ATP2C1: variants seen among roughly 807,000 people sequenced by gnomAD.
ATP2C1 encodes calcium-transporting ATPase type 2C member 1.
ATP2C1 carries 31 observed loss-of-function variants against 120.5 expected under a neutral mutation model. The ratio of observed to expected loss-of-function variants is 0.26; its 90% CI spans 0.19 to 0.35. The LOEUF (loss-of-function observed/expected upper bound fraction) is 0.35. Among genes scored for constraint, ATP2C1 ranks in the 10% least tolerant of loss-of-function variants. The probability of loss-of-function intolerance (pLI) is 1.00; values close to 1 mark genes in which losing one functional copy is unlikely to be tolerated. For synonymous variants in ATP2C1, 351 were observed against 358.7 expected (o/e 0.98, Z 0.24); for missense variants, 731 against 1,107.5 (o/e 0.66, Z 4.83).
chr3:130,955,929 G>C (rs2060562045), intron 10 of ATP2C1, 175 bp from the exon 11 acceptor site: 1 of 576,204 alleles, frequency 1.7e-6, no homozygotes, highest in Admixed American at 2.7e-5. Flanking sequence ...GTGACCTTGG[G>C]CATTGTGTAA....
rs115321836 is a variant in ATP2C1 at position 130,989,793 on chromosome 3, C to T, written c.1840-3158C>T. ...ACCTTTCATTCGCTAACTTATTTTGCAGCTTTTGCCAAACACTTGTTATAT... is the reference window on the plus strand; with the variant it reads ...ACCTTTCATTCGCTAACTTATTTTGTAGCTTTTGCCAAACACTTGTTATAT... On this transcript the variant is annotated intron_variant, in intron 20 of 27. Coordinates refer to ENST00000510168, the MANE Select transcript of ATP2C1 (RefSeq NM_001378687.1). Among the ~76,000 whole-genome samples, 1,140 of 152,282 alleles carry T rather than the reference C, an allele frequency of 7.5e-3. 18 individuals carry two copies. Among genetic ancestry groups the T allele is most frequent in the African/African-American group, 0.026 (1,084 of 41,552 alleles).
At position 131,001,540 on chromosome 3, in the gene ATP2C1, C is replaced by A; in HGVS notation, c.*190C>A. The A allele has an allele frequency of 1.5e-6, 2 of 1,297,810 alleles. No individual in the cohort carries two copies. The highest frequency in any genetic ancestry group is 6.6e-5 in the East Asian group (2 of 30,124). 80.4% of individuals were successfully genotyped at this position (1,297,810 alleles called of 1,614,324 possible). A position where few individuals can be genotyped will look rare whatever the true frequency, so the allele number is the denominator to read the frequency against. Reference sequence around the variant, plus strand: ...AAATGAAATTATGCAACTTTGATATCATATTCCTTGATTTAAATTGGCTTT... The same window carrying A: ...AAATGAAATTATGCAACTTTGATATAATATTCCTTGATTTAAATTGGCTTT... On this transcript the variant is annotated 3_prime_UTR_variant, in exon 28 of 28. Coordinates refer to ENST00000510168, the MANE Select transcript of ATP2C1 (RefSeq NM_001378687.1).
chr3:130,978,949 T>C (rs1390772244), intron 18 of ATP2C1, among the ~76,000 whole-genome samples: 1 of 152,212 alleles, frequency 6.6e-6, no homozygotes, highest in Admixed American at 6.5e-5. Flanking sequence ...GAGTTCCTGT[T>C]GAAAGTAGCT....
chr3:130,916,612 G>A (rs533790225), intron 2 of ATP2C1, among the ~76,000 whole-genome samples: 3 of 151,942 alleles, frequency 2.0e-5, no homozygotes, highest in South Asian at 2.1e-4. Context: ...TTGCCTTAGC[G>A]GGGAAACAGC....
At chr3:130,893,477 A>G (rs78883807), upstream of ATP2C1, among the ~76,000 whole-genome samples, 715 of 152,320 alleles carry the variant, frequency 4.7e-3, 5 homozygotes, top group African/African-American at 0.016. Flanking sequence ...AGAACCAAGC[A>G]GTCAGTGCAG....
chr3:130,929,030 G>A (rs991249483), intron 2 of ATP2C1, among the ~76,000 whole-genome samples: 4 of 152,004 alleles, frequency 2.6e-5, no homozygotes, highest in Non-Finnish European at 4.4e-5. Flanking sequence ...CATGTGTGTA[G>A]CTTTTGTAAA....
rs746981135 is a variant in ATP2C1, at chr3:130,969,321, C to T, written c.1338C>T (p.Tyr446=). ...KMGLDGLQQD[Y]IRKAEYPFSS... is the part of the protein sequence containing the mutation. ...GTCTTGATGGACTTCAACAAGACTA[C>T]ATCAGAAAAGCTGAATACCCTTTTA... The change falls in exon 17 of 28, where the codon TAC becomes TAT. Residue 446 remains tyrosine (Y), a synonymous_variant. Coordinates refer to ENST00000510168, the MANE Select transcript of ATP2C1 (RefSeq NM_001378687.1). 1.2e-6 allele frequency: 2 copies of T among 1,613,800 alleles called. No homozygotes were observed. Among genetic ancestry groups the T allele is most frequent in the South Asian group, 2.2e-5 (2 of 91,076 alleles).
upstream of ATP2C1, among the ~76,000 whole-genome samples, chr3:130,890,534 G>A (rs2069134853): frequency 6.6e-6 from 1 of 152,200 alleles, no homozygotes. Context: ...AATATTTCAT[G>A]TTTAAAATGC....
intron 4 of ATP2C1, among the ~76,000 whole-genome samples, chr3:130,934,086 A>G (rs914855004): frequency 2.6e-5 from 4 of 152,174 alleles, no homozygotes; most frequent in African/African-American, 7.2e-5. Flanking sequence ...TTTCTTTGAT[A>G]TGATTTGCTG....
At chr3:130,952,048 C>T (rs982654464) in intron 8 of ATP2C1, among the ~76,000 whole-genome samples, 1 of 152,174 alleles carries the variant, frequency 6.6e-6, no homozygotes, top group Non-Finnish European at 1.5e-5. Flanking sequence ...GAAATCCACT[C>T]TCCCTAATTA....
intron 7 of ATP2C1, 91 bp downstream of exon 7, chr3:130,940,782 T>A (rs756332147): frequency 1.7e-5 from 17 of 998,918 alleles, no homozygotes; most frequent in Non-Finnish European, 2.7e-5. Context: ...CCCCACTTTG[T>A]CTGAACATAA....
At chr3:131,012,981 T>C (rs2063389167) in intron 26 of ATP2C1, among the ~76,000 whole-genome samples, 2 of 152,218 alleles carry the variant, frequency 1.3e-5, no homozygotes, top group Non-Finnish European at 2.9e-5. Flanking sequence ...ATGGCAGCTT[T>C]AAAGCTACCT....
At chr3:130,910,701 A>G (rs1262740406) in intron 2 of ATP2C1, among the ~76,000 whole-genome samples, 2 of 20,858 alleles carry the variant, frequency 9.6e-5, no homozygotes, top group African/African-American at 2.8e-4. Flanking sequence ...ATCTATTGAG[A>G]TAATCATGTG....
chr3:130,887,068 G>A (rs900460109), intron 1 of ATP2C1, among the ~76,000 whole-genome samples: 6 of 152,196 alleles, frequency 3.9e-5, no homozygotes, highest in African/African-American at 1.4e-4. Context: ...TAAGGTTGTG[G>A]TTCTTGTAGA....
At chr3:130,907,789 T>C (rs906346863) in intron 2 of ATP2C1, among the ~76,000 whole-genome samples, 12 of 151,798 alleles carry the variant, frequency 7.9e-5, no homozygotes, top group Non-Finnish European at 1.8e-4. Context: ...TCCATATGAA[T>C]TTTAGAATCA....
At chr3:130,976,890 A>G (rs1271631999) in intron 18 of ATP2C1, among the ~76,000 whole-genome samples, 3 of 152,314 alleles carry the variant, frequency 2.0e-5, no homozygotes, top group East Asian at 1.9e-4. Flanking sequence ...GACACTCTGG[A>G]TAATTGAGCA....
At chr3:130,972,098 A>G (rs77232003) in intron 17 of ATP2C1, among the ~76,000 whole-genome samples, 2,089 of 152,304 alleles carry the variant, frequency 0.014, 42 homozygotes, top group African/African-American at 0.048. Context: ...TCAGATCCTC[A>G]GGCATTAGAT....
chr3:130,989,002 C>T (rs2062161904), intron 20 of ATP2C1, among the ~76,000 whole-genome samples: 1 of 152,096 alleles, frequency 6.6e-6, no homozygotes, highest in Non-Finnish European at 1.5e-5. Context: ...CCTGTAATTC[C>T]AGCACTTTGG....
chr3:130,989,807 C>T (rs997922981), intron 20 of ATP2C1, among the ~76,000 whole-genome samples: 1 of 152,206 alleles, frequency 6.6e-6, no homozygotes, highest in African/African-American at 2.4e-5. Context: ...TTTTGCCAAA[C>T]ACTTGTTATA....
Sources: allele counts gnomAD v4.1 joint callset (sites outside exome capture counted in the v4.1 genomes callset), GRCh38; gene constraint gnomAD v4.1.1; transcripts MANE v1.5; gene names NCBI Gene and HGNC (gene_info 2026-07-23, HGNC 2026-07-21).